The following CEP152 variants were observed in gnomAD, a reference collection of about 807,000 sequenced individuals.
The protein encoded by CEP152 is centrosomal protein of 152 kDa.
CEP152 carries 132 observed loss-of-function variants against 188.9 expected under a neutral mutation model. The observed-to-expected ratio is 0.70, with a 90% CI of 0.61 to 0.81. The LOEUF is 0.81. Among genes scored for constraint, CEP152 ranks in the 30% least tolerant of loss-of-function variants. The pLI is 0.00. For missense variants in CEP152, 1,914 were observed against 1,969.8 expected, an observed-to-expected ratio of 0.97 and a Z score of 0.54; for synonymous variants, 649 against 666.6, an observed-to-expected ratio of 0.97 and a Z score of 0.41.
intron 23 of CEP152, 24 bp downstream of exon 23, chr15:48,744,872 C>T: frequency 6.4e-7 from 1 of 1,569,596 alleles, no homozygotes; most frequent in Non-Finnish European, 8.6e-7. Flanking sequence ...TTTAAAATAG[C>T]ACTTTAAAAT....
chr15:48,744,995 A>G lies in CEP152; in HGVS notation c.3635-3T>C, dbSNP rs1299032316. On this transcript the variant is annotated splice_region_variant and splice_polypyrimidine_tract_variant and intron_variant, in intron 22 of 26. Coordinates refer to ENST00000380950, the MANE Select transcript of CEP152 (RefSeq NM_001194998.2). ...TTCAACAACTTTATTATTCTCTTCT[A>G]TAACAGAAAGTTTATAGTATATTAG... 3.8e-6 allele frequency: 6 copies of G among 1,590,974 alleles called. No homozygotes were observed. Among genetic ancestry groups the G allele is most frequent in the Non-Finnish European group, 5.1e-6 (6 of 1,167,440 alleles).
At chr15:48,766,715 A>G (rs1895133970) in intron 17 of CEP152, among the ~76,000 whole-genome samples, 2 of 152,106 alleles carry the variant, frequency 1.3e-5, no homozygotes, top group African/African-American at 4.8e-5. Flanking sequence ...TCACAGGACT[A>G]CATAGGGTTT....
Position 48,744,194 on chromosome 15 carries a change from T to C in CEP152, c.3835+46A>G, listed in dbSNP as rs1893232551. On this transcript the variant is annotated intron_variant, in intron 24 of 26. Coordinates refer to ENST00000380950, the MANE Select transcript of CEP152 (RefSeq NM_001194998.2). ...TCTGAGTTTACTTTAACAGTGATAA[T>C]AAAAAAGGCCCAAGCCATCCTTAAA... is the stretch of plus-strand genomic sequence containing the variant. 2.5e-6 allele frequency: 4 copies of C among 1,606,034 alleles called. No homozygotes were observed. The South Asian group carries it at 4.4e-5, about 18-fold the overall frequency.
chr15:48,772,750 TC>T (rs1393170301), intron 12 of CEP152, 59 bp from the exon 13 acceptor site: 3 of 1,464,130 alleles, frequency 2.0e-6, no homozygotes. Context: ...ACATGGTTAT[TC>T]CCTAAAAGCA....
intron 22 of CEP152, among the ~76,000 whole-genome samples, chr15:48,748,064 T>C (rs956501846): frequency 2.0e-5 from 3 of 152,194 alleles, no homozygotes; most frequent in Non-Finnish European, 4.4e-5. Flanking sequence ...TTTAATTATT[T>C]GTTAATCTGT....
chr15:48,729,791 G>A (rs1220444632), intron 2 of CEP152: 1 of 151,912 alleles, frequency 6.6e-6, no homozygotes, highest in African/African-American at 2.4e-5. Flanking sequence ...TAAAACAAAT[G>A]TAGAAAGTAA....
At chr15:48,759,818 T>A (rs1214904891) in intron 19 of CEP152, among the ~76,000 whole-genome samples, 6 of 152,214 alleles carry the variant, frequency 3.9e-5, no homozygotes. Flanking sequence ...AAACAATCTT[T>A]AAGCATGTGA....
At chr15:48,803,138 T>A (rs2140925682) in intron 2 of CEP152, among the ~76,000 whole-genome samples, 1 of 152,336 alleles carries the variant, frequency 6.6e-6, no homozygotes, top group Admixed American at 6.5e-5. Context: ...ACAAAGTGAT[T>A]CACTAAGTAG....
Position 48,791,001 on chromosome 15 carries a change from C to T in CEP152, c.972+236G>A, listed in dbSNP as rs78162340. Among the ~76,000 whole-genome samples, 4,199 of 152,218 alleles carry T rather than the reference C, an allele frequency of 0.028. 265 individuals carry two copies. The highest frequency in any genetic ancestry group is 0.15 in the East Asian group (780 of 5,170). On this transcript the variant is annotated intron_variant, in intron 8 of 26. Coordinates refer to ENST00000380950, the MANE Select transcript of CEP152 (RefSeq NM_001194998.2). ...TAATCAAAGAATGTGAATGTGTCAC[C>T]ACTTTAAACTCAAGTTTAAAAAACA...
chr15:48,760,210 C>T lies in CEP152; in HGVS notation c.2619G>A (p.Leu873=). The change falls in exon 19 of 27, where the codon CTG becomes CTA. Residue 873 remains leucine, a synonymous_variant. Transcript: ENST00000380950. The part of the protein sequence containing the change: ...HQRWLGELPE[L]AEYQALVKAE... ...CCTTCACAAGTGCTTGATACTCTGCCAGCTCTGGTAGTTCTCCCAGCCATC... is the reference window on the plus strand; with the variant it reads ...CCTTCACAAGTGCTTGATACTCTGCTAGCTCTGGTAGTTCTCCCAGCCATC... 1 of 1,614,120 alleles carries T rather than the reference C, an allele frequency of 6.2e-7. No homozygotes were observed. Among genetic ancestry groups the T allele is most frequent in the South Asian group, 1.1e-5 (1 of 91,080 alleles).
intron 1 of CEP152, among the ~76,000 whole-genome samples, chr15:48,806,340 C>T (rs1393514291): frequency 6.6e-6 from 1 of 152,218 alleles, no homozygotes; most frequent in East Asian, 1.9e-4. Flanking sequence ...ACTGCTGCGG[C>T]AGAAGCAGCA....
At chr15:48,747,895 C>G (rs1232211174) in intron 22 of CEP152, among the ~76,000 whole-genome samples, 8 of 152,136 alleles carry the variant, frequency 5.3e-5, no homozygotes, top group Admixed American at 2.0e-4. Flanking sequence ...AGTCCAGACC[C>G]TCACGCCCTT....
At chr15:48,743,674 C>T in intron 24 of CEP152, among the ~76,000 whole-genome samples, 1 of 152,240 alleles carries the variant, frequency 6.6e-6, no homozygotes, top group East Asian at 1.9e-4. Flanking sequence ...ATCAGCCTGG[C>T]CAACACGGTG....
chr15:48,790,744 T>C (rs1242900675), intron 8 of CEP152, among the ~76,000 whole-genome samples: 2 of 152,174 alleles, frequency 1.3e-5, no homozygotes, highest in Non-Finnish European at 1.5e-5. Context: ...TTTTTGTACT[T>C]TTTAATAGAG....
intron 11 of CEP152, among the ~76,000 whole-genome samples, chr15:48,781,746 A>G (rs1896255977): frequency 6.6e-6 from 1 of 152,176 alleles, no homozygotes; most frequent in Non-Finnish European, 1.5e-5. Context: ...AGGTGGAGGT[A>G]ATAATGGAAC....
intron 2 of CEP152, among the ~76,000 whole-genome samples, chr15:48,803,571 C>T (rs532931708): frequency 1.3e-5 from 2 of 152,272 alleles, no homozygotes; most frequent in South Asian, 4.1e-4. Flanking sequence ...AGAGTCAATT[C>T]AGCTATATAT....
chr15:48,741,936 A>G lies in CEP152; in HGVS notation c.3989+11T>C. The G allele has an allele frequency of 6.2e-7, 1 of 1,614,190 alleles. No homozygotes were observed. The highest frequency in any genetic ancestry group is 1.3e-5 in the African/African-American group (1 of 75,044). Reference sequence around the variant, plus strand: ...GGTAATCTCAGGACACATTGTTCAGACTGAACTCACCCTTCTTTTCCATCA... The same window carrying G: ...GGTAATCTCAGGACACATTGTTCAGGCTGAACTCACCCTTCTTTTCCATCA... On this transcript the variant is annotated intron_variant, in intron 25 of 26. Transcript: ENST00000380950.
Position 48,738,706 on chromosome 15 carries a change from T to G in CEP152, c.4676A>C (p.Glu1559Ala). Residue 1559 changes from glutamate (E) to alanine (A), a missense_variant, in exon 27 of 27, where the codon GAA becomes GCA. Glu to Ala is a moderately radical substitution (Grantham distance 107). Coordinates refer to ENST00000380950, the MANE Select transcript of CEP152 (RefSeq NM_001194998.2). ...GTCCCCTCCATCTTTTACTGGAGGT[T>G]CCTGAACATCCAAACCTTGACTTTT... ...SEKSQGLDVQ[E>A]PPVKDGGDLS... 1 of 1,614,218 alleles carries G rather than the reference T, an allele frequency of 6.2e-7. No individual in the cohort carries two copies. The highest frequency in any genetic ancestry group is 8.5e-7 in the Non-Finnish European group (1 of 1,180,032).
At chr15:48,744,044 A>G (rs1893221278) in intron 24 of CEP152, among the ~76,000 whole-genome samples, 196 bp downstream of exon 24, 1 of 152,196 alleles carries the variant, frequency 6.6e-6, no homozygotes, top group South Asian at 2.1e-4. Flanking sequence ...CATCACTTCC[A>G]AAAGATATTA....
Sources: allele counts gnomAD v4.1 joint callset (sites outside exome capture counted in the v4.1 genomes callset), GRCh38; gene constraint gnomAD v4.1.1; transcripts MANE v1.5; gene names NCBI Gene and HGNC (gene_info 2026-07-23, HGNC 2026-07-21).